MYBPC1: variants seen among roughly 807,000 people sequenced by gnomAD.
MYBPC1 encodes myosin-binding protein C, slow-type.
MYBPC1 carries 52 observed loss-of-function variants against 147.1 expected under a neutral mutation model. That is an observed-to-expected ratio of 0.35 (90% CI 0.28 to 0.45). MYBPC1 has a LOEUF of 0.45. Ranked by LOEUF, MYBPC1 falls within the 20% of genes least tolerant of loss-of-function variation. The pLI is 1.00. For missense variants in MYBPC1, 1,228 were observed against 1,440.3 expected (o/e 0.85, Z 2.39); for synonymous variants, 477 against 475.9 (o/e 1.00, Z -0.03).
chr12:101,612,736 T>C (rs1332979297), intron 1 of MYBPC1, among the ~76,000 whole-genome samples: 2 of 152,204 alleles, frequency 1.3e-5, no homozygotes, highest in Admixed American at 1.3e-4. Context: ...TCAAAGAAAT[T>C]GGCATCTCGC....
In MYBPC1 at chr12:101,658,918, C is replaced by T. The variant is rs73170802; in HGVS notation, c.1768-754C>T. On this transcript the variant is annotated intron_variant, in intron 18 of 31. Transcript: ENST00000361466. ...ATAACCAGTTTCTAAATTACTTTGA[C>T]CTTCTCTGTTTTTCCTCTTTGTATA... is the stretch of plus-strand genomic sequence containing the variant. Among the ~76,000 whole-genome samples, 1,386 of 152,226 alleles carry T rather than the reference C, an allele frequency of 9.1e-3. 8 individuals are homozygous for T. Among genetic ancestry groups the T allele is most frequent in the Non-Finnish European group, 0.017 (1,148 of 68,000 alleles).
intron 18 of MYBPC1, 108 bp from the exon 19 acceptor site, chr12:101,659,564 A>G: frequency 8.8e-7 from 1 of 1,130,236 alleles, no homozygotes; most frequent in Admixed American, 1.8e-5. Context: ...TATATAATCT[A>G]TACACTATAC....
chr12:101,675,546 A>C, intron 26 of MYBPC1, 115 bp downstream of exon 26: 1 of 1,474,508 alleles, frequency 6.8e-7, no homozygotes, highest in South Asian at 1.2e-5. Context: ...TGGAGAAGTG[A>C]TGTGGCAGAG....
chr12:101,604,881 G>A (rs1881533255), intron 1 of MYBPC1, among the ~76,000 whole-genome samples: 1 of 152,160 alleles, frequency 6.6e-6, no homozygotes, highest in Non-Finnish European at 1.5e-5. Context: ...ATCTGGCTGA[G>A]TAGAGTTTAG....
intron 9 of MYBPC1, among the ~76,000 whole-genome samples, chr12:101,635,479 A>C (rs1221315013): frequency 2.0e-5 from 3 of 152,076 alleles, no homozygotes; most frequent in Non-Finnish European, 4.4e-5. Flanking sequence ...TACTTTGAAA[A>C]GTTATTTAAT....
In MYBPC1 at chr12:101,678,269, G is replaced by T; in HGVS notation, c.3246+31G>T. ...ATGTTCTTCTATCACATCAGTTAAA[G>T]TCCCTGTCTTGTATTTGTTGTGTTA... On this transcript the variant is annotated intron_variant, in intron 28 of 31. Coordinates refer to ENST00000361466, the MANE Select transcript of MYBPC1 (RefSeq NM_002465.4). 3 of 1,611,698 alleles carry T rather than the reference G, an allele frequency of 1.9e-6. No homozygotes were observed. The South Asian group carries it at 3.3e-5, about 18-fold the overall frequency.
At chr12:101,615,584 T>C (rs1376806556) in intron 2 of MYBPC1, among the ~76,000 whole-genome samples, 2 of 144,688 alleles carry the variant, frequency 1.4e-5, no homozygotes, top group East Asian at 2.1e-4. Flanking sequence ...AAGTAGAAAA[T>C]AGAATACAGC....
At chr12:101,621,682 CAA>C (rs917778013) in intron 3 of MYBPC1, among the ~76,000 whole-genome samples, 1 of 152,078 alleles carries the variant, frequency 6.6e-6, no homozygotes, top group African/African-American at 2.4e-5. Flanking sequence ...ACAATTGTCT[CAA>C]GTTTATATTG....
chr12:101,639,782 T>A (rs1354758955), intron 10 of MYBPC1, among the ~76,000 whole-genome samples: 1 of 152,114 alleles, frequency 6.6e-6, no homozygotes, highest in Non-Finnish European at 1.5e-5. Flanking sequence ...TTTAATTATA[T>A]CTAGCTTGAT....
the MYBPC1 span, among the ~76,000 whole-genome samples, chr12:101,693,780 G>C: frequency 6.6e-6 from 1 of 151,788 alleles, no homozygotes; most frequent in Non-Finnish European, 1.5e-5. Flanking sequence ...AGAAATTTTA[G>C]CTGGGCAGGT....
chr12:101,614,072 C>G (rs1885173371), intron 1 of MYBPC1, among the ~76,000 whole-genome samples: 2 of 152,146 alleles, frequency 1.3e-5, no homozygotes, highest in Non-Finnish European at 2.9e-5. Context: ...TTGTGTTTCA[C>G]TTCATCCTAA....
rs755570108 is a variant in MYBPC1, at chr12:101,653,251, T to A, written c.1767+3T>A. ...CCATGTGGAGCCGGGGAGATAAGGT[T>A]TGTTTTATGCTTGCACACACTCACA... On this transcript the variant is annotated splice_donor_region_variant and intron_variant, in intron 18 of 31. Coordinates refer to ENST00000361466, the MANE Select transcript of MYBPC1 (RefSeq NM_002465.4). 9 of 1,613,570 alleles carry A rather than the reference T, an allele frequency of 5.6e-6. No homozygotes were observed. In the Admixed American group the frequency reaches 1.3e-4, roughly 24 times the overall value.
intron 11 of MYBPC1, among the ~76,000 whole-genome samples, chr12:101,643,239 T>C (rs1472085695): frequency 6.6e-6 from 1 of 152,188 alleles, no homozygotes; most frequent in Admixed American, 6.5e-5. Flanking sequence ...TAAAGATTTT[T>C]ACCACCCTTT....
At chr12:101,671,272 C>T (rs1898603365) in intron 24 of MYBPC1, among the ~76,000 whole-genome samples, 1 of 151,330 alleles carries the variant, frequency 6.6e-6, no homozygotes, top group Non-Finnish European at 1.5e-5. Flanking sequence ...CCAGCCTGGC[C>T]TTAGAATGTA....
intron 10 of MYBPC1, among the ~76,000 whole-genome samples, chr12:101,641,950 A>G (rs1892147188): frequency 6.6e-6 from 1 of 152,158 alleles, no homozygotes. Context: ...CTGTCTCCAT[A>G]TTTAGCTAGG....
chr12:101,644,913 G>GGA, intron 12 of MYBPC1, 117 bp downstream of exon 12: 1 of 1,027,064 alleles, frequency 9.7e-7, no homozygotes, highest in Non-Finnish European at 1.5e-6. Flanking sequence ...AAAATCATAT[G>GGA]GAGAGAGAGT....
chr12:101,616,057 C>T (rs764414140), intron 2 of MYBPC1, among the ~76,000 whole-genome samples: 21 of 151,976 alleles, frequency 1.4e-4, no homozygotes, highest in African/African-American at 4.1e-4. Flanking sequence ...CACAAGAGGC[C>T]CTTTGTCCAG....
At chr12:101,625,566 A>T (rs150412327) in intron 3 of MYBPC1, among the ~76,000 whole-genome samples, 36 of 152,352 alleles carry the variant, frequency 2.4e-4, no homozygotes, top group African/African-American at 7.7e-4. Context: ...TAGTTAGTGC[A>T]GCTTTTCATT....
chr12:101,613,358 A>G (rs1364544228), intron 1 of MYBPC1, among the ~76,000 whole-genome samples: 2 of 152,326 alleles, frequency 1.3e-5, no homozygotes, highest in East Asian at 3.9e-4. Flanking sequence ...TCACTTGTGG[A>G]AAAAAATGTG....
Sources: gnomAD v4.1 joint callset for allele counts (sites outside exome capture counted in the v4.1 genomes callset) on GRCh38, gnomAD v4.1.1 for gene constraint, MANE v1.5 for transcripts, NCBI Gene and HGNC (gene_info 2026-07-23, HGNC 2026-07-21) for gene names.